LINGO1: variants seen among roughly 807,000 people sequenced by gnomAD.
LINGO1 encodes leucine rich repeat and Ig domain containing 1.
In LINGO1, 11 loss-of-function variants were observed where a neutral mutation model predicts 37.3. The ratio of observed to expected loss-of-function variants is 0.29; its 90% CI spans 0.19 to 0.49. The LOEUF (loss-of-function observed/expected upper bound fraction) is 0.49, where lower values mean the gene tolerates loss of function less well. LINGO1 is among the 20% of genes least tolerant of loss of function. The pLI is 0.99. For synonymous variants in LINGO1, 387 were observed against 403.0 expected (o/e 0.96, Z 0.48); for missense variants, 585 against 878.2 (o/e 0.67, Z 4.22).
intron 2 of LINGO1, among the ~76,000 whole-genome samples, chr15:77,732,335 C>T (rs1321935371): frequency 6.6e-6 from 1 of 152,202 alleles, no homozygotes; most frequent in Non-Finnish European, 1.5e-5. Flanking sequence ...ACATTCTGAC[C>T]TTAAAGTTAA....
intron 1 of LINGO1, among the ~76,000 whole-genome samples, chr15:77,742,729 G>A (rs1031728546): frequency 6.6e-6 from 1 of 152,218 alleles, no homozygotes; most frequent in Non-Finnish European, 1.5e-5. Context: ...CAGGGGGACC[G>A]AATTCCAAAG....
intron 3 of LINGO1, among the ~76,000 whole-genome samples, chr15:77,654,646 G>GGA (rs1320551912): frequency 6.6e-6 from 1 of 152,088 alleles, no homozygotes; most frequent in Admixed American, 6.5e-5. Flanking sequence ...GGGAGTCATG[G>GGA]GAGAGAGACC....
intron 2 of LINGO1, among the ~76,000 whole-genome samples, chr15:77,682,972 T>TCCAACACACAAAACAG (rs1300079719): frequency 2.6e-5 from 4 of 152,124 alleles, no homozygotes; most frequent in Non-Finnish European, 5.9e-5. Flanking sequence ...GGAAAGTATC[T>TCCAACACACAAAACAG]CCAACACACA....
At chr15:77,768,672 C>G (rs2076554274) in intron 1 of LINGO1, among the ~76,000 whole-genome samples, 1 of 152,090 alleles carries the variant, frequency 6.6e-6, no homozygotes, top group South Asian at 2.1e-4. Context: ...TCCCTACCCC[C>G]ACTCTGTCCC....
At chr15:77,616,012 CAGAT>C in intron 1 of LINGO1, 112 bp from the exon 2 acceptor site, 1 of 720,494 alleles carries the variant, frequency 1.4e-6, no homozygotes, top group Non-Finnish European at 2.1e-6. Flanking sequence ...GACCCTGATG[CAGAT>C]AGAGAGGCAG....
chr15:77,713,525 G>T (rs934083524), intron 2 of LINGO1, among the ~76,000 whole-genome samples: 3 of 151,888 alleles, frequency 2.0e-5, no homozygotes, highest in Non-Finnish European at 2.9e-5. Flanking sequence ...GGCGGGGAGG[G>T]GTGTGCTGGC....
intron 1 of LINGO1, among the ~76,000 whole-genome samples, chr15:77,757,586 T>C (rs2076432683): frequency 6.6e-6 from 1 of 152,212 alleles, no homozygotes; most frequent in African/African-American, 2.4e-5. Context: ...CATGGTCTCA[T>C]GGTATTTTCC....
At chr15:77,622,851 C>A (rs1039643210) in intron 1 of LINGO1, among the ~76,000 whole-genome samples, 1 of 152,232 alleles carries the variant, frequency 6.6e-6, no homozygotes, top group African/African-American at 2.4e-5. Context: ...CAGGGTTTCT[C>A]CCTCAGTGGC....
chr15:77,640,128 G>C (rs145188509), intron 3 of LINGO1, among the ~76,000 whole-genome samples: 9 of 152,306 alleles, frequency 5.9e-5, no homozygotes, highest in African/African-American at 2.2e-4. Flanking sequence ...ACTTGGAGGA[G>C]TCCACATTAT....
chr15:77,633,332 G>C (rs2074326240), upstream of LINGO1, among the ~76,000 whole-genome samples: 1 of 151,850 alleles, frequency 6.6e-6, no homozygotes, highest in African/African-American at 2.4e-5. Context: ...GTGTTTACAC[G>C]TGTTAACTGG....
chr15:77,776,530 G>GAGTAAGGCAGGAAGGGAGTA (rs1247358368), intron 1 of LINGO1, among the ~76,000 whole-genome samples: 1 of 34,520 alleles, frequency 2.9e-5, no homozygotes, highest in African/African-American at 1.1e-4. Flanking sequence ...GGGAGGAAGG[G>GAGTAAGGCAGGAAGGGAGTA]AGGGAGGGAG....
At chr15:77,807,241 T>C (rs1229010394) in intron 1 of LINGO1, among the ~76,000 whole-genome samples, 2 of 152,186 alleles carry the variant, frequency 1.3e-5, no homozygotes, top group Non-Finnish European at 2.9e-5. Flanking sequence ...GTAGTGCAAC[T>C]CAGTAATGTA....
chr15:77,767,747 A>G (rs1379324953), intron 1 of LINGO1, among the ~76,000 whole-genome samples: 1 of 152,092 alleles, frequency 6.6e-6, no homozygotes, highest in African/African-American at 2.4e-5. Flanking sequence ...GCCTCTCTCC[A>G]CCCCCACTAA....
chr15:77,643,424 G>A (rs1034474796), intron 3 of LINGO1, among the ~76,000 whole-genome samples: 10 of 152,156 alleles, frequency 6.6e-5, no homozygotes, highest in South Asian at 2.1e-4. Context: ...CCTTGAGAAG[G>A]GCTGCTGGGA....
intron 3 of LINGO1, among the ~76,000 whole-genome samples, chr15:77,656,863 A>C (rs2141155463): frequency 6.6e-6 from 1 of 152,294 alleles, no homozygotes; most frequent in East Asian, 1.9e-4. Flanking sequence ...TGTCCCTGGC[A>C]GTGGCACCCT....
chr15:77,741,812 C>T (rs192390966), intron 1 of LINGO1, among the ~76,000 whole-genome samples: 38 of 152,300 alleles, frequency 2.5e-4, no homozygotes, highest in Admixed American at 2.4e-3. Context: ...AAGCCCTTGT[C>T]CCCATACATA....
At chr15:77,753,455 A>G (rs1016382796) in intron 1 of LINGO1, among the ~76,000 whole-genome samples, 3 of 152,222 alleles carry the variant, frequency 2.0e-5, no homozygotes, top group African/African-American at 7.2e-5. Flanking sequence ...GGCGCTGTTC[A>G]TGGTGCTGAA....
intron 2 of LINGO1, among the ~76,000 whole-genome samples, chr15:77,689,293 C>CG (rs1354372353): frequency 6.6e-6 from 1 of 152,152 alleles, no homozygotes; most frequent in Admixed American, 6.5e-5. Flanking sequence ...TAGGAGGCAC[C>CG]GGGGGCAGGA....
chr15:77,778,623 C>T (rs2076685008), intron 1 of LINGO1, among the ~76,000 whole-genome samples: 1 of 152,186 alleles, frequency 6.6e-6, no homozygotes, highest in East Asian at 1.9e-4. Context: ...GCAGCAGATC[C>T]ACCATCAGCA....
Sources: allele counts gnomAD v4.1 joint callset (sites outside exome capture counted in the v4.1 genomes callset), GRCh38; gene constraint gnomAD v4.1.1; transcripts MANE v1.5; gene names NCBI Gene and HGNC (gene_info 2026-07-23, HGNC 2026-07-21).